DPH6: variants seen among roughly 807,000 people sequenced by gnomAD.
The protein encoded by DPH6 is diphthamine biosynthesis 6.
A neutral mutation model predicts 38.2 loss-of-function variants in DPH6; 33 were observed. The observed-to-expected ratio is 0.86, with a 90% CI of 0.65 to 1.15. The LOEUF is 1.15. Among genes scored for constraint, DPH6 ranks in the 50% most tolerant of loss-of-function variants. The pLI is 0.00. For synonymous variants in DPH6, 108 were observed against 103.0 expected (o/e 1.05, Z -0.30); for missense variants, 325 against 320.0 (o/e 1.02, Z -0.12).
At chr15:35,307,205 G>T (rs2052099195) in intron 3 of DPH6, among the ~76,000 whole-genome samples, 1 of 152,034 alleles carries the variant, frequency 6.6e-6, no homozygotes, top group Admixed American at 6.6e-5. Flanking sequence ...TAACATCCCC[G>T]TTGAGGGCAG....
chr15:35,295,912 CTATTTTATTT>C (rs200342844), intron 3 of DPH6, among the ~76,000 whole-genome samples: 5 of 151,228 alleles, frequency 3.3e-5, no homozygotes, highest in South Asian at 2.1e-4. Flanking sequence ...CTTACTATGT[CTATTTTATTT>C]TATTTTATTT....
chr15:35,331,407 G>T (rs2052326204), intron 3 of DPH6, among the ~76,000 whole-genome samples: 1 of 151,390 alleles, frequency 6.6e-6, no homozygotes, highest in African/African-American at 2.5e-5. Context: ...TCCCGAAACA[G>T]ATAAATCATG....
the DPH6 span, among the ~76,000 whole-genome samples, chr15:35,175,959 G>A: frequency 1.3e-5 from 2 of 152,182 alleles, no homozygotes; most frequent in South Asian, 4.1e-4. Context: ...CAAACGTGGA[G>A]AAAAACTTTC....
chr15:35,338,760 T>C (rs1242406674), intron 3 of DPH6, among the ~76,000 whole-genome samples: 1 of 152,142 alleles, frequency 6.6e-6, no homozygotes, highest in Non-Finnish European at 1.5e-5. Context: ...CTATTCACAA[T>C]AGCAAAGACT....
the DPH6 span, among the ~76,000 whole-genome samples, chr15:35,172,753 ACAAT>A: frequency 6.6e-6 from 1 of 152,142 alleles, no homozygotes; most frequent in Non-Finnish European, 1.5e-5. Context: ...ATTCACAGGC[ACAAT>A]CATAGTGCAC....
At chr15:35,362,993 T>C (rs2052626665) in intron 3 of DPH6, among the ~76,000 whole-genome samples, 1 of 152,224 alleles carries the variant, frequency 6.6e-6, no homozygotes, top group African/African-American at 2.4e-5. Context: ...CATAATCTTA[T>C]TGTAATATAA....
chr15:35,182,240 T>C, the DPH6 span, among the ~76,000 whole-genome samples: 2 of 127,438 alleles, frequency 1.6e-5, no homozygotes, highest in Non-Finnish European at 3.1e-5. Flanking sequence ...TTTTTTTTTT[T>C]TTTTTTTTTT....
At chr15:35,486,527 A>C (rs2054400329) in intron 3 of DPH6, among the ~76,000 whole-genome samples, 1 of 151,884 alleles carries the variant, frequency 6.6e-6, no homozygotes, top group Non-Finnish European at 1.5e-5. Context: ...AAATCATCAG[A>C]TCTCAAGAGA....
At chr15:35,522,304 T>C in intron 3 of DPH6, 1 of 1,607,786 alleles carries the variant, frequency 6.2e-7, no homozygotes, top group Non-Finnish European at 8.5e-7. Flanking sequence ...TAGGAAAACG[T>C]GGCAATCAGA....
At chr15:35,401,190 C>A (rs143901427) in intron 6 of DPH6, 32,636 of 1,196,874 alleles carry the variant, frequency 0.027, 597 homozygotes, top group Middle Eastern at 0.044. Flanking sequence ...TTAGGAAAGC[C>A]CTGTCAAACC....
the DPH6 span, among the ~76,000 whole-genome samples, chr15:35,155,203 G>T: frequency 6.6e-6 from 1 of 152,128 alleles, no homozygotes; most frequent in Non-Finnish European, 1.5e-5. Flanking sequence ...TAAAGTATTA[G>T]AGCTAACCAT....
At chr15:35,222,214 C>T (rs762053870) in intron 3 of DPH6, among the ~76,000 whole-genome samples, 2 of 152,198 alleles carry the variant, frequency 1.3e-5, no homozygotes, top group African/African-American at 2.4e-5. Flanking sequence ...ACCCACAATG[C>T]TCAATTCATG....
chr15:35,183,828 C>A, the DPH6 span, among the ~76,000 whole-genome samples: 1 of 152,118 alleles, frequency 6.6e-6, no homozygotes, highest in African/African-American at 2.4e-5. Flanking sequence ...TAAAATAGAA[C>A]CATCTTTGGG....
At chr15:35,494,191 G>T (rs1375820870) in intron 3 of DPH6, among the ~76,000 whole-genome samples, 1 of 152,018 alleles carries the variant, frequency 6.6e-6, no homozygotes, top group Admixed American at 6.6e-5. Flanking sequence ...TTAAAAAATT[G>T]CCTTTAGTTA....
intron 3 of DPH6, among the ~76,000 whole-genome samples, chr15:35,256,959 A>G (rs1489067653): frequency 6.6e-6 from 1 of 152,230 alleles, no homozygotes; most frequent in Non-Finnish European, 1.5e-5. Context: ...GACTAAAAAG[A>G]GTCTGTTGGT....
chr15:35,421,307 T>C (rs2053502084), intron 5 of DPH6, among the ~76,000 whole-genome samples: 1 of 152,178 alleles, frequency 6.6e-6, no homozygotes, highest in South Asian at 2.1e-4. Context: ...AGGCCAGAAA[T>C]ATTCTAAAAT....
intron 5 of DPH6, among the ~76,000 whole-genome samples, chr15:35,437,521 G>A (rs1436900630): frequency 6.6e-6 from 1 of 152,156 alleles, no homozygotes; most frequent in Non-Finnish European, 1.5e-5. Context: ...TGGGCTTTTG[G>A]CCTCCCTCTC....
chr15:35,404,316 AGTAGTT>A (rs1261204312), intron 6 of DPH6, among the ~76,000 whole-genome samples: 1 of 152,166 alleles, frequency 6.6e-6, no homozygotes, highest in African/African-American at 2.4e-5. Flanking sequence ...ACTTCTCCAG[AGTAGTT>A]GTACTAATTT....
chr15:35,485,723 C>T (rs1350872226), intron 3 of DPH6, among the ~76,000 whole-genome samples: 1 of 152,142 alleles, frequency 6.6e-6, no homozygotes, highest in Non-Finnish European at 1.5e-5. Flanking sequence ...TTTATATTCT[C>T]ACATACATTA....
Sources: gnomAD v4.1 joint callset for allele counts (sites outside exome capture counted in the v4.1 genomes callset) on GRCh38, gnomAD v4.1.1 for gene constraint, MANE v1.5 for transcripts, NCBI Gene and HGNC (gene_info 2026-07-23, HGNC 2026-07-21) for gene names.